The following RANGAP1 variants were observed in gnomAD, a reference collection of about 807,000 sequenced individuals.
RANGAP1 encodes Ran GTPase activating protein 1, also known as ran GTPase-activating protein 1.
RANGAP1 carries 38 observed loss-of-function variants against 63.5 expected under a neutral mutation model. The ratio of observed to expected loss-of-function variants is 0.60; its 90% CI spans 0.46 to 0.78. The LOEUF (loss-of-function observed/expected upper bound fraction) is 0.78, where lower values mean the gene tolerates loss of function less well. Ranked by LOEUF, RANGAP1 falls within the 30% of genes least tolerant of loss-of-function variation. RANGAP1 has a pLI of 0.00. For synonymous variants in RANGAP1, 329 were observed against 310.5 expected (o/e 1.06, Z -0.63); for missense variants, 630 against 740.3 (o/e 0.85, Z 1.73).
chr22:41,293,160 G>A, the RANGAP1 span, among the ~76,000 whole-genome samples: 4 of 151,584 alleles, frequency 2.6e-5, no homozygotes, highest in African/African-American at 7.3e-5. Flanking sequence ...GCGTGAACCC[G>A]GGAGGCAGAG....
chr22:41,252,305 A>T (rs1393066071), intron 12 of RANGAP1, among the ~76,000 whole-genome samples: 2 of 152,052 alleles, frequency 1.3e-5, no homozygotes, highest in Non-Finnish European at 2.9e-5. Flanking sequence ...CCATCTCAAA[A>T]AAATAAATAA....
At chr22:41,248,438 C>T (rs535146700) in intron 15 of RANGAP1, among the ~76,000 whole-genome samples, 6 of 152,300 alleles carry the variant, frequency 3.9e-5, no homozygotes, top group African/African-American at 9.6e-5. Flanking sequence ...TGGAGGCCAG[C>T]GGGGGCCGCT....
In RANGAP1 at chr22:41,253,002, G is replaced by A. The variant is rs1248652045; in HGVS notation, c.1261-11C>T. 2.7e-6 allele frequency: 4 copies of A among 1,456,100 alleles called. No individual in the cohort carries two copies. In the South Asian group the frequency reaches 4.3e-5, roughly 16 times the overall value. 90.2% of individuals were successfully genotyped at this position (1,456,100 alleles called of 1,614,324 possible). A position where few individuals can be genotyped will look rare whatever the true frequency, so the allele number is the denominator to read the frequency against. On this transcript the variant is annotated splice_polypyrimidine_tract_variant and intron_variant, in intron 11 of 15. Transcript: ENST00000356244. ...CACGGGAGCTGGCTCCTGGGAAGTA[G>A]GGGCACAGAGGCTCTGGAGAATTCC...
intron 3 of RANGAP1, among the ~76,000 whole-genome samples, chr22:41,271,540 A>G (rs2034828832): frequency 2.0e-5 from 3 of 151,968 alleles, no homozygotes. Context: ...CTAAAAATAC[A>G]AAAAATTAGC....
the RANGAP1 span, among the ~76,000 whole-genome samples, chr22:41,298,014 C>G: frequency 6.6e-6 from 1 of 152,076 alleles, no homozygotes; most frequent in Non-Finnish European, 1.5e-5. Context: ...CCCGTGACCA[C>G]GCCTGGCTGA....
intron 15 of RANGAP1, among the ~76,000 whole-genome samples, chr22:41,248,453 C>A (rs2145669047): frequency 6.6e-6 from 1 of 152,344 alleles, no homozygotes; most frequent in South Asian, 2.1e-4. Flanking sequence ...GCCGCTCACG[C>A]TCCGCCAGCC....
chr22:41,257,418 C>T lies in RANGAP1; in HGVS notation c.774+530G>A, dbSNP rs1265992114. 6.6e-6 allele frequency among the ~76,000 whole-genome samples: 1 copy of T among 152,148 alleles called. No homozygotes were observed. Among genetic ancestry groups the T allele is most frequent in the Non-Finnish European group, 1.5e-5 (1 of 68,028 alleles). ...CTTTGGCTCAACCCCATGTGGCCTG[C>T]ACTTGGTACAAAGCCAAGCACTAAA... On this transcript the variant is annotated intron_variant, in intron 7 of 15. Coordinates refer to ENST00000356244, the MANE Select transcript of RANGAP1 (RefSeq NM_002883.4). The surrounding 1 kb of genome is among the most constrained non-coding windows in gnomAD (Gnocchi z 4.0).
intron 2 of RANGAP1, among the ~76,000 whole-genome samples, chr22:41,278,598 G>A (rs2145835834): frequency 6.6e-6 from 1 of 152,332 alleles, no homozygotes; most frequent in Admixed American, 6.5e-5. Flanking sequence ...CAGGAATAGG[G>A]ATTTCACTGA....
intron 5 of RANGAP1, among the ~76,000 whole-genome samples, chr22:41,263,499 C>T (rs2034291129): frequency 6.6e-6 from 1 of 152,224 alleles, no homozygotes. Flanking sequence ...ATTCTCCTGC[C>T]TCAGCCTCCC....
In RANGAP1 at chr22:41,256,180, C is replaced by G. The variant is rs756539817; in HGVS notation, c.988+11G>C. On this transcript the variant is annotated intron_variant, in intron 9 of 15. Coordinates refer to ENST00000356244, the MANE Select transcript of RANGAP1 (RefSeq NM_002883.4). ...AGCAGACCTGTGCAGAGGCCTCCCC[C>G]ATCCGACTACCATTCAGGTCCAGCT... is the stretch of plus-strand genomic sequence containing the variant. 9.9e-6 allele frequency: 16 copies of G among 1,613,970 alleles called. No homozygotes were observed. Among genetic ancestry groups the G allele is most frequent in the Admixed American group, 3.3e-5 (2 of 59,986 alleles).
intron 3 of RANGAP1, among the ~76,000 whole-genome samples, chr22:41,268,653 A>G (rs1055332274): frequency 3.9e-5 from 6 of 152,206 alleles, no homozygotes; most frequent in African/African-American, 1.2e-4. Flanking sequence ...GAGGCCTCCA[A>G]GAGTTATTGG....
In RANGAP1 at chr22:41,264,783, C is replaced by A. The variant is rs772216086; in HGVS notation, c.361G>T (p.Asp121Tyr). The stretch of plus-strand genomic sequence containing the variant: ...ACACCGTCGGGCCCGAATGCGTTGT[C>A]GCTTAAGTCCAGCTCCACCAGCTGA... The part of the protein sequence containing the change: ...GAQLVELDLS[D>Y]NAFGPDGVQG... The change falls in exon 5 of 16, where the codon GAC becomes TAC. Residue 121 changes from aspartate (D) to tyrosine (Y), a missense_variant. Physicochemically the swap from Asp to Tyr is radical, Grantham distance 160. Around this residue, in one of 3 missense-constraint regions of RANGAP1, gnomAD observed 137 missense variants for 214.3 expected, o/e 0.64. Transcript: ENST00000356244. 1 of 1,613,936 alleles carries A rather than the reference C, an allele frequency of 6.2e-7. No individual in the cohort carries two copies.
chr22:41,256,375 G>C (rs994177692), intron 8 of RANGAP1, 85 bp from the exon 9 acceptor site: 3 of 1,371,498 alleles, frequency 2.2e-6, no homozygotes, highest in Non-Finnish European at 3.1e-6. Context: ...TTCCCCAAGT[G>C]AGGATATGGC....
intron 2 of RANGAP1, among the ~76,000 whole-genome samples, chr22:41,277,752 G>C (rs964438638): frequency 6.6e-6 from 1 of 152,164 alleles, no homozygotes; most frequent in Non-Finnish European, 1.5e-5. Flanking sequence ...TGCCAGCCAA[G>C]CCTTGGCAAG....
chr22:41,267,642 G>A (rs761143405), intron 4 of RANGAP1, among the ~76,000 whole-genome samples: 9 of 152,148 alleles, frequency 5.9e-5, no homozygotes, highest in East Asian at 1.9e-4. Flanking sequence ...CACCCATGAC[G>A]GGCACAAACC....
Position 41,256,737 on chromosome 22 carries a change from T to C in RANGAP1, c.862A>G (p.Ile288Val). The C allele has an allele frequency of 6.2e-7, 1 of 1,614,068 alleles. No individual in the cohort carries two copies. Among genetic ancestry groups the C allele is most frequent in the South Asian group, 1.1e-5 (1 of 91,084 alleles). ...SKGAVAIADAIRGGLPKLKEL... is the reference protein window; with the variant it reads ...SKGAVAIADAVRGGLPKLKEL... ...TTTAGCTTGGGCAGGCCGCCGCGGA[T>C]GGCATCTGCAATGGCAACTGCACCC... Residue 288 changes from isoleucine to valine, a missense_variant, in exon 8 of 16, where the codon ATC becomes GTC. Ile to Val is a conservative substitution (Grantham distance 29). Coordinates refer to ENST00000356244, the MANE Select transcript of RANGAP1 (RefSeq NM_002883.4).
At position 41,249,722 on chromosome 22, in the gene RANGAP1, G is replaced by A. The variant is rs1202309245; in HGVS notation, c.1572+7C>T. On this transcript the variant is annotated splice_region_variant and intron_variant, in intron 14 of 15. Coordinates refer to ENST00000356244, the MANE Select transcript of RANGAP1 (RefSeq NM_002883.4). ...CCTCCCGGGCCTGCTGTTCCTTCCG[G>A]CCTCACCTTGAGCAGACCCATGTGC... The A allele has an allele frequency of 6.2e-7, 1 of 1,610,604 alleles. No individual in the cohort carries two copies. Among genetic ancestry groups the A allele is most frequent in the African/African-American group, 1.3e-5 (1 of 74,862 alleles).
At chr22:41,288,996 C>T (rs2035805883), upstream of RANGAP1, among the ~76,000 whole-genome samples, 1 of 146,578 alleles carries the variant, frequency 6.8e-6, no homozygotes, top group African/African-American at 2.5e-5. Flanking sequence ...GATCTCAGCT[C>T]ACTGCAACCT....
chr22:41,271,401 A>C (rs931188297), intron 3 of RANGAP1, among the ~76,000 whole-genome samples: 10 of 150,522 alleles, frequency 6.6e-5, no homozygotes, highest in Non-Finnish European at 1.2e-4. Flanking sequence ...AAAAACAAAA[A>C]AAAAAAACAA....
Sources: allele counts gnomAD v4.1 joint callset (sites outside exome capture counted in the v4.1 genomes callset), GRCh38; gene constraint gnomAD v4.1.1; regional missense constraint gnomAD v4.1.1; non-coding constraint Gnocchi (gnomAD v3.1); transcripts MANE v1.5; gene names NCBI Gene and HGNC (gene_info 2026-07-23, HGNC 2026-07-21).